Variants in ARHGAP45 observed in about 807,000 individuals in gnomAD.
ARHGAP45 encodes the protein rho GTPase-activating protein 45.
Under a neutral mutation model 116.1 loss-of-function variants are expected in ARHGAP45, and 56 were observed. That is an observed-to-expected ratio of 0.48 (90% CI 0.39 to 0.60). ARHGAP45 has a LOEUF of 0.60. Among genes scored for constraint, ARHGAP45 ranks in the 20% least tolerant of loss-of-function variants. ARHGAP45 has a pLI of 0.00. For missense variants in ARHGAP45, 1,622 were observed against 1,601.0 expected, an observed-to-expected ratio of 1.01 and a Z score of -0.22; for synonymous variants, 866 against 701.7, an observed-to-expected ratio of 1.23 and a Z score of -3.70.
At chr19:1,083,576 C>T (rs769621040) in intron 21 of ARHGAP45, among the ~76,000 whole-genome samples, 17 of 152,212 alleles carry the variant, frequency 1.1e-4, no homozygotes, top group Non-Finnish European at 2.9e-5. Context: ...GCGGCCGCCC[C>T]TCCACTCTCC....
intron 17 of ARHGAP45, 163 bp from the exon 18 acceptor site, chr19:1,081,387 G>C (rs1392414754): frequency 7.9e-6 from 6 of 760,392 alleles, no homozygotes; most frequent in Non-Finnish European, 1.0e-5. Flanking sequence ...AGGGCAGGCG[G>C]GATCACCCCT....
intron 1 of ARHGAP45, chr19:1,067,823 A>G (rs1610096): frequency 0.55 from 328,964 of 600,442 alleles, 94,458 homozygotes; most frequent in African/African-American, 0.88. Context: ...TGGGGGCTCT[A>G]GGGGCCGTTG....
In ARHGAP45 at chr19:1,068,204, C is replaced by T. The variant is rs1327842648; in HGVS notation, c.91-210C>T. Reference sequence around the variant, plus strand: ...GCCCCGGCTGTGGTTTGGGCAAGGACCGTTGTTTGTGAAAGCTCTAGGGAA... The same window carrying T: ...GCCCCGGCTGTGGTTTGGGCAAGGATCGTTGTTTGTGAAAGCTCTAGGGAA... On this transcript the variant is annotated intron_variant, in intron 1 of 22. Transcript: ENST00000313093. The surrounding 1 kb of genome is among the most constrained non-coding windows in gnomAD (Gnocchi z 7.5). The T allele has an allele frequency of 1.8e-6, 1 of 554,828 alleles. No homozygotes were observed. The highest frequency in any genetic ancestry group is 3.1e-6 in the Non-Finnish European group (1 of 322,800). The allele number at this position is 554,828 out of a possible 1,614,324, so 34.4% of individuals were successfully genotyped here.
In ARHGAP45 at chr19:1,081,130, G is replaced by A. The variant is rs953890982; in HGVS notation, c.2190+66G>A. ...AGCCTTTGGGGTGCCCAGCACCGCC[G>A]GCCTGTGTGCCCTCAGGAATGTCCG... On this transcript the variant is annotated intron_variant, in intron 17 of 22. Coordinates refer to ENST00000313093, the MANE Select transcript of ARHGAP45 (RefSeq NM_012292.5). 6.0e-6 allele frequency: 9 copies of A among 1,491,546 alleles called. No homozygotes were observed. The South Asian group carries it at 6.4e-5, about 11-fold the overall frequency. 92.4% of individuals were successfully genotyped at this position (1,491,546 alleles called of 1,614,324 possible).
rs371532691 is a variant in ARHGAP45, at chr19:1,083,343, C to T, written c.2945C>T (p.Pro982Leu). Residue 982 changes from proline (P) to leucine (L), a missense_variant, in exon 21 of 23, where the codon CCC becomes CTC. By Grantham distance (98) the Pro-to-Leu change is moderately conservative (BLOSUM62 -3). Transcript: ENST00000313093. Reference protein sequence around the residue: ...LVFEEEPEETPGGQDESSNQR... With the variant: ...LVFEEEPEETLGGQDESSNQR... ...TTCGAGGAGGAGCCGGAGGAGACCC[C>T]CGGGGGCCAGGTGAGGGTGTGGGCC... is the stretch of plus-strand genomic sequence containing the variant. 3 of 1,549,022 alleles carry T rather than the reference C, an allele frequency of 1.9e-6. No homozygotes were observed. Among genetic ancestry groups the T allele is most frequent in the Non-Finnish European group, 2.6e-6 (3 of 1,149,216 alleles).
upstream of ARHGAP45, chr19:1,066,218 GT>G: frequency 6.7e-7 from 1 of 1,483,562 alleles, no homozygotes; most frequent in Non-Finnish European, 9.1e-7. Context: ...GGGATTGGGG[GT>G]GGGGTTCTGG....
rs762967718 is a variant in ARHGAP45, at chr19:1,079,692, C to T, written c.1375-11C>T. 3.1e-6 allele frequency: 5 copies of T among 1,612,218 alleles called. No individual in the cohort carries two copies. The South Asian group carries it at 5.5e-5, about 18-fold the overall frequency. ...TGAGGCCTCTCTCTGTGCGCCCCGC[C>T]CCCACCGCAGGCGGAGGAAGCTATG... On this transcript the variant is annotated splice_polypyrimidine_tract_variant and intron_variant, in intron 11 of 22. Transcript: ENST00000313093.
Position 1,086,523 on chromosome 19 carries a change from G to A in ARHGAP45, c.*517G>A, listed in dbSNP as rs1000018092. 4 of 152,950 alleles carry A rather than the reference G, an allele frequency of 2.6e-5. No homozygotes were observed. The highest frequency in any genetic ancestry group is 9.6e-5 in the African/African-American group (4 of 41,456). 9.5% of individuals were successfully genotyped at this position (152,950 alleles called of 1,614,324 possible). On this transcript the variant is annotated 3_prime_UTR_variant, in exon 23 of 23. Transcript: ENST00000313093. ...TGGACTCCCTTTTCCAGAACACCAG[G>A]TGTGGCCACCTGGGGCTCAGGTACA... is the stretch of plus-strand genomic sequence containing the variant.
chr19:1,075,016 C>T (rs1255047044), intron 10 of ARHGAP45, 137 bp downstream of exon 10: 1 of 574,970 alleles, frequency 1.7e-6, no homozygotes, highest in Admixed American at 6.5e-5. Flanking sequence ...CGCGGCCTCG[C>T]AGGCTGGGCC....
chr19:1,079,954 G>A lies in ARHGAP45; in HGVS notation c.1539G>A (p.Met513Ile). 6.2e-7 allele frequency: 1 copy of A among 1,612,456 alleles called. No homozygotes were observed. The highest frequency in any genetic ancestry group is 8.5e-7 in the Non-Finnish European group (1 of 1,179,586). ...KSATISYYQM[M>I]HMQTAPLPVH... is the part of the protein sequence containing the mutation. ...CCACGATCTCCTACTACCAGATGAT[G>A]CATATGCAGACGGCGCCGCTGCCCG... The change falls in exon 13 of 23, where the codon ATG (methionine) becomes ATA (isoleucine). Residue 513 changes from methionine to isoleucine, a missense_variant. Coordinates refer to ENST00000313093, the MANE Select transcript of ARHGAP45 (RefSeq NM_012292.5).
At chr19:1,081,291 C>G (rs998283414) in intron 17 of ARHGAP45, 1 of 648,368 alleles carries the variant, frequency 1.5e-6, no homozygotes, top group African/African-American at 1.8e-5. Flanking sequence ...GGTGAAGAGT[C>G]CTGGGGCTGT....
At chr19:1,076,845 T>C (rs1012976051) in intron 10 of ARHGAP45, among the ~76,000 whole-genome samples, 4 of 150,572 alleles carry the variant, frequency 2.7e-5, no homozygotes, top group African/African-American at 9.8e-5. Context: ...TTGGCCAGGC[T>C]GGTCTCGAGT....
In ARHGAP45 at chr19:1,071,366, G is replaced by GACAGGTGCCGGGCGCTGGGTCC; in HGVS notation, c.422-1782_422-1761dup. 1 of 1,308,236 alleles carries GACAGGTGCCGGGCGCTGGGTCC rather than the reference G, an allele frequency of 7.6e-7. No individual in the cohort carries two copies. Among genetic ancestry groups the GACAGGTGCCGGGCGCTGGGTCC allele is most frequent in the Non-Finnish European group, 9.7e-7 (1 of 1,030,284 alleles). The allele number at this position is 1,308,236 out of a possible 1,614,324, so 81.0% of individuals were successfully genotyped here. A position where few individuals can be genotyped will look rare whatever the true frequency, so the allele number is the denominator to read the frequency against. On this transcript the variant is annotated intron_variant, in intron 2 of 22. Coordinates refer to ENST00000313093, the MANE Select transcript of ARHGAP45 (RefSeq NM_012292.5). The surrounding 1 kb of genome is among the most constrained non-coding windows in gnomAD (Gnocchi z 4.6). Reference sequence around the variant, plus strand: ...GCCGGGCGGGCCCCCGAGGTGAGGGGACAGGTGCCGGGCGCTGGGTCCCGC... The same window carrying GACAGGTGCCGGGCGCTGGGTCC: ...GCCGGGCGGGCCCCCGAGGTGAGGGGACAGGTGCCGGGCGCTGGGTCCACAGGTGCCGGGCGCTGGGTCCCGC...
intron 10 of ARHGAP45, among the ~76,000 whole-genome samples, chr19:1,075,553 G>T (rs957411455): frequency 1.3e-5 from 2 of 152,056 alleles, no homozygotes; most frequent in Non-Finnish European, 2.9e-5. Context: ...CCGGCCTCCT[G>T]CCTGTATTCT....
Position 1,071,351 on chromosome 19 carries a change from C to A in ARHGAP45, c.422-1798C>A. ...AGGGCCCCGTGCGCTGCCGGGCGGGCCCCCGAGGTGAGGGGACAGGTGCCG... is the reference window on the plus strand; with the variant it reads ...AGGGCCCCGTGCGCTGCCGGGCGGGACCCCGAGGTGAGGGGACAGGTGCCG... On this transcript the variant is annotated intron_variant, in intron 2 of 22. Transcript: ENST00000313093. This position sits in a 1 kb window ranked among gnomAD's most constrained non-coding sequence, Gnocchi z 4.6. 7.5e-7 allele frequency: 1 copy of A among 1,337,218 alleles called. No individual in the cohort carries two copies. The highest frequency in any genetic ancestry group is 9.5e-7 in the Non-Finnish European group (1 of 1,048,258). The allele number at this position is 1,337,218 out of a possible 1,614,324, so 82.8% of individuals were successfully genotyped here.
chr19:1,073,322 C>A, intron 3 of ARHGAP45, 30 bp downstream of exon 3: 1 of 1,609,986 alleles, frequency 6.2e-7, no homozygotes, highest in Non-Finnish European at 8.5e-7. Context: ...GCTGCGAGGG[C>A]TCTCTGCCTA....
rs1455695989 is a variant in ARHGAP45 at position 1,085,645 on chromosome 19, G to A, written c.3065-15G>A. 12 of 1,517,840 alleles carry A rather than the reference G, an allele frequency of 7.9e-6. No individual in the cohort carries two copies. The East Asian group carries it at 2.1e-4, about 27-fold the overall frequency. The allele number at this position is 1,517,840 out of a possible 1,614,324, so 94.0% of individuals were successfully genotyped here. A position where few individuals can be genotyped will look rare whatever the true frequency, so the allele number is the denominator to read the frequency against. On this transcript the variant is annotated splice_polypyrimidine_tract_variant and intron_variant, in intron 22 of 22. Transcript: ENST00000313093. ...TCCTGTCTGTCTCCCCCCGCCATCTGTCTCCCTTTCTTAGAATCCCGAGTT... is the reference window on the plus strand; with the variant it reads ...TCCTGTCTGTCTCCCCCCGCCATCTATCTCCCTTTCTTAGAATCCCGAGTT...
chr19:1,076,512 T>TTTTTTTTTTTTTTTTTTTTC (rs2043254018), intron 10 of ARHGAP45, among the ~76,000 whole-genome samples: 1 of 109,616 alleles, frequency 9.1e-6, no homozygotes, highest in African/African-American at 3.3e-5. Flanking sequence ...TTTTTTTTTT[T>TTTTTTTTTTTTTTTTTTTTC]TGAGACAAGA....
chr19:1,069,865 G>C lies in ARHGAP45; in HGVS notation c.421+1121G>C, dbSNP rs1599750293. ...AGGGTCTTGCTCTGTTGCCCAGGCT[G>C]GAGTCCAGTGGTGTGATTGAGGCTC... On this transcript the variant is annotated intron_variant, in intron 2 of 22. Transcript: ENST00000313093. This position sits in a 1 kb window ranked among gnomAD's most constrained non-coding sequence, Gnocchi z 4.1. Among the ~76,000 whole-genome samples the C allele has an allele frequency of 6.7e-6, 1 of 149,390 alleles. No individual in the cohort carries two copies. Among genetic ancestry groups the C allele is most frequent in the African/African-American group, 2.5e-5 (1 of 40,596 alleles).
Sources: allele counts gnomAD v4.1 joint callset (sites outside exome capture counted in the v4.1 genomes callset), GRCh38; gene constraint gnomAD v4.1.1; non-coding constraint Gnocchi (gnomAD v3.1); transcripts MANE v1.5; gene names NCBI Gene and HGNC (gene_info 2026-07-23, HGNC 2026-07-21).